The following SNTB1 variants were observed in gnomAD, a reference collection of about 807,000 sequenced individuals.
SNTB1 encodes the protein syntrophin beta 1, also known as beta-1-syntrophin.
In SNTB1, 36 loss-of-function variants were observed where a neutral mutation model predicts 48.9. The ratio of observed to expected loss-of-function variants is 0.74; its 90% CI spans 0.56 to 0.97. The LOEUF (loss-of-function observed/expected upper bound fraction) is 0.97. Ranked by LOEUF, SNTB1 falls within the 50% of genes least tolerant of loss-of-function variation. The pLI, the probability that SNTB1 is intolerant of heterozygous loss-of-function variation, is 0.00. For synonymous variants in SNTB1, 299 were observed against 294.6 expected, an observed-to-expected ratio of 1.01 and a Z score of -0.15; for missense variants, 786 against 703.4, an observed-to-expected ratio of 1.12 and a Z score of -1.33.
chr8:120,592,185 T>TG (rs914167158), intron 3 of SNTB1, among the ~76,000 whole-genome samples: 1 of 138,008 alleles, frequency 7.2e-6, no homozygotes, highest in Non-Finnish European at 1.5e-5. Flanking sequence ...ATAAGCAGAA[T>TG]TTTTTTTTTT....
At chr8:120,755,680 A>G (rs1819307441) in intron 1 of SNTB1, among the ~76,000 whole-genome samples, 1 of 152,138 alleles carries the variant, frequency 6.6e-6, no homozygotes, top group Non-Finnish European at 1.5e-5. Context: ...TGGTAGTGAT[A>G]CCAGGAACTA....
intron 1 of SNTB1, among the ~76,000 whole-genome samples, chr8:120,810,646 TC>T (rs1387171627): frequency 6.6e-6 from 1 of 151,924 alleles, no homozygotes; most frequent in African/African-American, 2.4e-5. Context: ...TGCAACATAT[TC>T]CCCGGCCCCT....
intron 2 of SNTB1, among the ~76,000 whole-genome samples, chr8:120,642,571 T>C (rs1817214761): frequency 1.3e-5 from 2 of 152,204 alleles, no homozygotes. Context: ...CTGGAGAGTA[T>C]GTTAGTTATG....
chr8:120,750,704 G>A (rs1418198234), intron 1 of SNTB1, among the ~76,000 whole-genome samples: 3 of 152,104 alleles, frequency 2.0e-5, no homozygotes, highest in Admixed American at 6.6e-5. Context: ...CAAGGGTCAT[G>A]AATGCTCATT....
At chr8:120,791,755 C>T (rs1587166069) in intron 1 of SNTB1, among the ~76,000 whole-genome samples, 1 of 151,864 alleles carries the variant, frequency 6.6e-6, no homozygotes, top group African/African-American at 2.4e-5. Context: ...GAGATACTAC[C>T]TTACCCCAAT....
At chr8:120,736,523 G>A (rs556312728) in intron 1 of SNTB1, among the ~76,000 whole-genome samples, 2 of 152,184 alleles carry the variant, frequency 1.3e-5, no homozygotes, top group Non-Finnish European at 2.9e-5. Flanking sequence ...GGTTTTGCTG[G>A]AGACCAAAGC....
chr8:120,675,477 T>A (rs546248810), intron 2 of SNTB1, among the ~76,000 whole-genome samples: 6 of 152,272 alleles, frequency 3.9e-5, no homozygotes, highest in African/African-American at 1.2e-4. Context: ...GTCCTATGTG[T>A]CAGAGTGGAT....
chr8:120,639,762 T>C (rs1268565461), intron 2 of SNTB1, among the ~76,000 whole-genome samples: 2 of 152,242 alleles, frequency 1.3e-5, no homozygotes, highest in African/African-American at 4.8e-5. Flanking sequence ...ACCAGTACCA[T>C]GCTGTTTTGG....
chr8:120,688,281 T>C (rs1460038807), intron 2 of SNTB1, among the ~76,000 whole-genome samples: 1 of 152,238 alleles, frequency 6.6e-6, no homozygotes, highest in Non-Finnish European at 1.5e-5. Flanking sequence ...GTTAATGGAT[T>C]GTCCTGGTTT....
At chr8:120,778,703 C>T (rs561027922) in intron 1 of SNTB1, among the ~76,000 whole-genome samples, 2 of 152,238 alleles carry the variant, frequency 1.3e-5, no homozygotes, top group African/African-American at 4.8e-5. Flanking sequence ...ATCAAGAGTC[C>T]CTGTCTCTGT....
At chr8:120,614,016 G>A (rs941386291) in intron 3 of SNTB1, among the ~76,000 whole-genome samples, 1 of 152,202 alleles carries the variant, frequency 6.6e-6, no homozygotes, top group Non-Finnish European at 1.5e-5. Context: ...AGCTCAGAGA[G>A]ACTGTCAGTG....
chr8:120,680,248 C>A (rs1359800787), intron 2 of SNTB1, among the ~76,000 whole-genome samples: 1 of 152,192 alleles, frequency 6.6e-6, no homozygotes, highest in Non-Finnish European at 1.5e-5. Flanking sequence ...TACCAACTTA[C>A]TTGTAGATAT....
intron 4 of SNTB1, among the ~76,000 whole-genome samples, chr8:120,567,313 T>C (rs988205580): frequency 2.6e-5 from 4 of 152,060 alleles, no homozygotes; most frequent in South Asian, 2.1e-4. Flanking sequence ...GTAATTCTCA[T>C]ATTGGGCAAG....
intron 2 of SNTB1, among the ~76,000 whole-genome samples, chr8:120,691,922 G>T (rs1406649423): frequency 1.3e-5 from 2 of 152,138 alleles, no homozygotes; most frequent in East Asian, 3.8e-4. Context: ...GATTGGGTGG[G>T]TAAAAGCCCA....
At chr8:120,754,178 T>C (rs1184003360) in intron 1 of SNTB1, among the ~76,000 whole-genome samples, 1 of 152,052 alleles carries the variant, frequency 6.6e-6, no homozygotes, top group African/African-American at 2.4e-5. Flanking sequence ...TCACTCTCAC[T>C]CAGGTCCTGA....
At chr8:120,568,795 C>T (rs574218248) in intron 4 of SNTB1, among the ~76,000 whole-genome samples, 54 of 152,220 alleles carry the variant, frequency 3.5e-4, no homozygotes, top group Non-Finnish European at 8.8e-5. Flanking sequence ...TCCTTACAGG[C>T]CTAATTGTAT....
intron 1 of SNTB1, among the ~76,000 whole-genome samples, chr8:120,798,057 G>A (rs185563061): frequency 4.5e-4 from 69 of 152,092 alleles, no homozygotes; most frequent in African/African-American, 1.4e-3. Flanking sequence ...AAATAAATCC[G>A]TAAGAAGAGA....
intron 3 of SNTB1, among the ~76,000 whole-genome samples, chr8:120,610,823 T>C (rs1294681587): frequency 1.3e-5 from 2 of 152,158 alleles, no homozygotes; most frequent in African/African-American, 2.4e-5. Flanking sequence ...CCCGCTGTGA[T>C]CAATTATTAC....
At chr8:120,549,129 T>C (rs7015410) in intron 4 of SNTB1, among the ~76,000 whole-genome samples, 171 bp from the exon 5 acceptor site, 109,051 of 152,114 alleles carry the variant, frequency 0.72, 40,349 homozygotes, top group Non-Finnish European at 0.82. Flanking sequence ...GAGGTTAAGA[T>C]AGCACCCAAG....
Sources: gnomAD v4.1 joint callset for allele counts (sites outside exome capture counted in the v4.1 genomes callset) on GRCh38, gnomAD v4.1.1 for gene constraint, MANE v1.5 for transcripts, NCBI Gene and HGNC (gene_info 2026-07-23, HGNC 2026-07-21) for gene names.